Variants in SGCZ observed in about 807,000 individuals in gnomAD.
SGCZ encodes sarcoglycan zeta, also known as zeta-sarcoglycan.
In SGCZ, 40 loss-of-function variants were observed where a neutral mutation model predicts 41.3. The observed-to-expected ratio is 0.97, with a 90% CI of 0.75 to 1.26. SGCZ has a LOEUF of 1.26. Ranked by LOEUF, SGCZ falls within the 50% of genes most tolerant of loss-of-function variation. SGCZ has a pLI of 0.00. For missense variants in SGCZ, 552 were observed against 369.8 expected, an observed-to-expected ratio of 1.49 and a Z score of -4.04; for synonymous variants, 206 against 137.5, an observed-to-expected ratio of 1.50 and a Z score of -3.49.
At chr8:14,264,698 A>G (rs1295538969) in intron 3 of SGCZ, among the ~76,000 whole-genome samples, 1 of 152,186 alleles carries the variant, frequency 6.6e-6, no homozygotes, top group Non-Finnish European at 1.5e-5. Flanking sequence ...GCGGAGTCTC[A>G]CGCCTGTAAT....
chr8:14,213,973 G>A (rs923667326), intron 4 of SGCZ, among the ~76,000 whole-genome samples: 2 of 152,016 alleles, frequency 1.3e-5, no homozygotes, highest in Admixed American at 6.6e-5. Context: ...TGTTCAACAT[G>A]TTCATAGCAA....
intron 1 of SGCZ, among the ~76,000 whole-genome samples, chr8:14,681,477 C>T (rs1466811612): frequency 6.6e-6 from 1 of 152,150 alleles, no homozygotes; most frequent in Non-Finnish European, 1.5e-5. Flanking sequence ...TGGTTTTAGT[C>T]ATTTCATGGC....
intron 2 of SGCZ, among the ~76,000 whole-genome samples, chr8:14,339,651 G>C (rs1802633133): frequency 6.6e-6 from 1 of 152,168 alleles, no homozygotes; most frequent in Admixed American, 6.5e-5. Context: ...GCATCTATTA[G>C]TGGAACACTT....
chr8:14,902,045 T>G (rs1008786678), intron 1 of SGCZ, among the ~76,000 whole-genome samples: 1 of 152,196 alleles, frequency 6.6e-6, no homozygotes. Flanking sequence ...TTATACATTT[T>G]AGTGGACACT....
intron 3 of SGCZ, among the ~76,000 whole-genome samples, chr8:14,282,349 T>C (rs1302147391): frequency 1.2e-4 from 1 of 8,138 alleles, no homozygotes; most frequent in African/African-American, 1.9e-4. Context: ...CAAAAATCCC[T>C]TTCTTTCAAA....
intron 1 of SGCZ, among the ~76,000 whole-genome samples, chr8:14,745,068 T>C (rs1799304107): frequency 6.6e-6 from 1 of 152,196 alleles, no homozygotes; most frequent in Admixed American, 6.5e-5. Context: ...TATTATTTCA[T>C]CAACAATTTT....
At chr8:15,166,827 G>A (rs1305014946) in intron 1 of SGCZ, among the ~76,000 whole-genome samples, 1 of 152,126 alleles carries the variant, frequency 6.6e-6, no homozygotes, top group Non-Finnish European at 1.5e-5. Flanking sequence ...ATTAACAGGT[G>A]CTCTCAAATA....
chr8:14,332,791 A>G (rs1460463953), intron 2 of SGCZ: 2 of 150,870 alleles, frequency 1.3e-5, no homozygotes, highest in Non-Finnish European at 2.9e-5. Flanking sequence ...GGTTTGCAAT[A>G]GAGTATAGAG....
chr8:14,723,220 A>G (rs962138793), intron 1 of SGCZ, among the ~76,000 whole-genome samples: 1 of 152,336 alleles, frequency 6.6e-6, no homozygotes, highest in East Asian at 1.9e-4. Context: ...CTTCAGAGAG[A>G]AAATGCAGAA....
At chr8:14,887,388 T>A (rs1470756980) in intron 1 of SGCZ, among the ~76,000 whole-genome samples, 1 of 152,180 alleles carries the variant, frequency 6.6e-6, no homozygotes, top group Non-Finnish European at 1.5e-5. Context: ...TGCCAATTTT[T>A]CTGACTGCAT....
intron 3 of SGCZ, among the ~76,000 whole-genome samples, chr8:14,260,710 A>G (rs982139471): frequency 1.1e-4 from 16 of 152,252 alleles, no homozygotes; most frequent in Non-Finnish European, 1.0e-4. Context: ...ATGTCCAACC[A>G]TAATAGACTG....
intron 4 of SGCZ, among the ~76,000 whole-genome samples, chr8:14,232,466 T>C (rs923781740): frequency 1.3e-5 from 2 of 152,112 alleles, no homozygotes; most frequent in Admixed American, 1.3e-4. Context: ...ACATTCTTCC[T>C]TATTAACATA....
intron 2 of SGCZ, among the ~76,000 whole-genome samples, chr8:14,509,565 T>C (rs192210407): frequency 6.6e-6 from 1 of 152,282 alleles, no homozygotes; most frequent in African/African-American, 2.4e-5. Context: ...GCTAATAGAC[T>C]AGAAATGTTT....
chr8:14,848,584 G>T (rs1321449626), intron 1 of SGCZ, among the ~76,000 whole-genome samples: 2 of 152,286 alleles, frequency 1.3e-5, no homozygotes, highest in South Asian at 2.1e-4. Flanking sequence ...AAGATGCAAA[G>T]GTATTTCCAT....
chr8:14,237,585 C>T lies in SGCZ; in HGVS notation c.424+7G>A, dbSNP rs1174741785. On this transcript the variant is annotated splice_region_variant and intron_variant, in intron 4 of 7. Transcript: ENST00000382080. ...AGTAGGAGCAATCTTTACCCCAAAA[C>T]ACTCACCTATGGTCAGCTGTCCGGT... is the stretch of plus-strand genomic sequence containing the variant. 4.3e-6 allele frequency: 7 copies of T among 1,612,874 alleles called. No individual in the cohort carries two copies. The highest frequency in any genetic ancestry group is 1.3e-5 in the African/African-American group (1 of 74,958).
intron 5 of SGCZ, among the ~76,000 whole-genome samples, chr8:14,117,545 C>T (rs1257166968): frequency 6.6e-6 from 1 of 150,654 alleles, no homozygotes; most frequent in East Asian, 2.0e-4. Context: ...TTGTAAATAC[C>T]TTTCCAGAGA....
intron 1 of SGCZ, among the ~76,000 whole-genome samples, chr8:15,231,487 G>A (rs528256548): frequency 6.6e-6 from 1 of 151,880 alleles, no homozygotes; most frequent in African/African-American, 2.4e-5. Flanking sequence ...TGCTCATTCT[G>A]TGGTTAGCAT....
At chr8:14,580,839 C>G (rs999175407) in intron 1 of SGCZ, among the ~76,000 whole-genome samples, 1 of 152,170 alleles carries the variant, frequency 6.6e-6, no homozygotes, top group South Asian at 2.1e-4. Context: ...ATGGAGGGAG[C>G]CTTCTCCCAG....
intron 1 of SGCZ, among the ~76,000 whole-genome samples, chr8:15,146,562 AAAG>A (rs1487553497): frequency 4.6e-5 from 7 of 152,198 alleles, no homozygotes; most frequent in Admixed American, 4.6e-4. Flanking sequence ...TTAAAAATCA[AAAG>A]AATAGTTTCA....
Sources: gnomAD v4.1 joint callset for allele counts (sites outside exome capture counted in the v4.1 genomes callset) on GRCh38, gnomAD v4.1.1 for gene constraint, MANE v1.5 for transcripts, NCBI Gene and HGNC (gene_info 2026-07-23, HGNC 2026-07-21) for gene names.